Variants in ZNF83 observed in about 807,000 individuals in gnomAD.
ZNF83 encodes the protein zinc finger protein 83, also known as zinc finger protein 816B.
For missense variants in ZNF83, 552 were observed against 629.9 expected (o/e 0.88, Z 1.32); for synonymous variants, 209 against 213.0 (o/e 0.98, Z 0.17).
intron 3 of ZNF83, chr19:52,653,102 G>A (rs2061464200): frequency 1.4e-6 from 2 of 1,469,528 alleles, no homozygotes; most frequent in South Asian, 1.1e-5. Flanking sequence ...TGAATTAGAA[G>A]GGATGAATTT....
Position 52,653,091 on chromosome 19 carries a change from A to T in ZNF83, c.-74+2470T>A, listed in dbSNP as rs908472807. 9.2e-5 allele frequency: 136 copies of T among 1,480,444 alleles called. 1 individual carries two copies. The highest frequency in any genetic ancestry group is 3.9e-4 in the African/African-American group (28 of 71,940). 91.7% of individuals were successfully genotyped at this position (1,480,444 alleles called of 1,614,324 possible). On this transcript the variant is annotated intron_variant, in intron 3 of 5. Transcript: ENST00000594682. ...GTTTCTCTCCAGTATGAATTGCCTT[A>T]TGAATTAGAAGGGATGAATTTCGAG...
chr19:52,625,036 T>G (rs1028278538), intron 2 of ZNF83, among the ~76,000 whole-genome samples: 1 of 151,240 alleles, frequency 6.6e-6, no homozygotes, highest in Non-Finnish European at 1.5e-5. Context: ...ATTCACTCCA[T>G]TTCCCCCTCC....
chr19:52,676,257 G>A (rs2061802762), intron 1 of ZNF83, among the ~76,000 whole-genome samples: 1 of 152,218 alleles, frequency 6.6e-6, no homozygotes, highest in Non-Finnish European at 1.5e-5. Context: ...TGCCGGGATT[G>A]CAGACGGAGT....
intron 2 of ZNF83, among the ~76,000 whole-genome samples, chr19:52,633,834 C>T (rs2061054548): frequency 6.6e-6 from 1 of 152,072 alleles, no homozygotes; most frequent in Non-Finnish European, 1.5e-5. Context: ...CACTTGAACC[C>T]AAAAGGTGGA....
At chr19:52,686,597 G>A (rs1323507954) in intron 1 of ZNF83, among the ~76,000 whole-genome samples, 1 of 151,614 alleles carries the variant, frequency 6.6e-6, no homozygotes, top group Non-Finnish European at 1.5e-5. Context: ...TTTCTGAGAT[G>A]GAGACTCGCT....
chr19:52,685,479 C>T (rs2061999107), intron 1 of ZNF83, among the ~76,000 whole-genome samples: 1 of 151,986 alleles, frequency 6.6e-6, no homozygotes, highest in South Asian at 2.1e-4. Flanking sequence ...TTTAATTCTT[C>T]CTTAAAAAAA....
rs144370045 is a variant in ZNF83, at chr19:52,682,340, G to T, written c.-283+8103C>A. On this transcript the variant is annotated intron_variant, in intron 1 of 5. Transcript: ENST00000594682. Reference sequence around the variant, plus strand: ...ATCAAGGCTATAGTGAGCTATGATTGCACCACTGCACTTCACCCTGGACAG... The same window carrying T: ...ATCAAGGCTATAGTGAGCTATGATTTCACCACTGCACTTCACCCTGGACAG... Among the ~76,000 whole-genome samples, 1,227 of 152,190 alleles carry T rather than the reference G, an allele frequency of 8.1e-3. 12 individuals are homozygous for T. The highest frequency in any genetic ancestry group is 0.012 in the Non-Finnish European group (842 of 68,020).
At chr19:52,615,275 C>T (rs748364418) in intron 2 of ZNF83, among the ~76,000 whole-genome samples, 54 of 152,236 alleles carry the variant, frequency 3.5e-4, no homozygotes, top group Non-Finnish European at 5.9e-4. Context: ...TTTGCACTGA[C>T]CAAAAGATCC....
chr19:52,654,896 A>C (rs1321372257), intron 3 of ZNF83: 1 of 153,028 alleles, frequency 6.5e-6, no homozygotes, highest in Non-Finnish European at 1.5e-5. Context: ...AAAAACCAGA[A>C]CAAAAGGCCA....
At chr19:52,620,039 G>A (rs2060476665) in intron 2 of ZNF83, among the ~76,000 whole-genome samples, 1 of 152,022 alleles carries the variant, frequency 6.6e-6, no homozygotes, top group South Asian at 2.1e-4. Context: ...ACAAAGCGAG[G>A]CCCCATCTCA....
At chr19:52,678,133 GCTAA>G (rs2061848379) in intron 1 of ZNF83, among the ~76,000 whole-genome samples, 1 of 151,952 alleles carries the variant, frequency 6.6e-6, no homozygotes, top group African/African-American at 2.4e-5. Context: ...ACAATAATGC[GCTAA>G]CTAAAATGGT....
intron 2 of ZNF83, among the ~76,000 whole-genome samples, chr19:52,625,067 T>A (rs144830411): frequency 0.014 from 2,123 of 151,720 alleles, 29 homozygotes; most frequent in South Asian, 0.018. Context: ...CTCATCCTGA[T>A]CACATTTGGT....
At chr19:52,686,641 T>C (rs1230599417) in intron 1 of ZNF83, among the ~76,000 whole-genome samples, 3 of 152,112 alleles carry the variant, frequency 2.0e-5, no homozygotes, top group Non-Finnish European at 2.9e-5. Flanking sequence ...CAACATGATT[T>C]CAGCTCACTG....
intron 3 of ZNF83, chr19:52,654,330 C>G: frequency 7.0e-7 from 1 of 1,419,840 alleles, no homozygotes; most frequent in South Asian, 1.2e-5. Context: ...TTTGCAATGT[C>G]CCTGTGTGGA....
chr19:52,657,519 C>A (rs1010965144), intron 2 of ZNF83, among the ~76,000 whole-genome samples: 1 of 151,258 alleles, frequency 6.6e-6, no homozygotes. Context: ...CAGAGTGAGA[C>A]TGTCTCAAAA....
chr19:52,680,778 A>C (rs1019262503), intron 1 of ZNF83, among the ~76,000 whole-genome samples: 2 of 145,888 alleles, frequency 1.4e-5, no homozygotes, highest in Non-Finnish European at 3.0e-5. Context: ...ACGCCCGGCT[A>C]ATTTTTTGTA....
At chr19:52,675,532 C>T (rs1174579938) in intron 1 of ZNF83, among the ~76,000 whole-genome samples, 3 of 152,012 alleles carry the variant, frequency 2.0e-5, no homozygotes, top group East Asian at 3.9e-4. Flanking sequence ...TAAGCGGCCT[C>T]CTATAATTTT....
At position 52,669,902 on chromosome 19, in the gene ZNF83, C is replaced by T. The variant is rs182567498; in HGVS notation, c.-282-9059G>A. The stretch of plus-strand genomic sequence containing the variant: ...TTCTTCTTATTTTGGAAAATCAAAC[C>T]GAATGACTAAGCCAAGACATGTTAA... On this transcript the variant is annotated intron_variant, in intron 1 of 5. Coordinates refer to the ZNF83 transcript ENST00000594682. 3.3e-5 allele frequency among the ~76,000 whole-genome samples: 5 copies of T among 152,184 alleles called. No homozygotes were observed. In the East Asian group the frequency reaches 7.7e-4, roughly 24 times the overall value.
intron 2 of ZNF83, among the ~76,000 whole-genome samples, chr19:52,623,278 G>A (rs970535861): frequency 1.3e-5 from 2 of 152,126 alleles, no homozygotes; most frequent in Non-Finnish European, 2.9e-5. Context: ...TGAGCTTTGG[G>A]TAACTCTTAC....
Sources: allele counts gnomAD v4.1 joint callset (sites outside exome capture counted in the v4.1 genomes callset), GRCh38; gene constraint gnomAD v4.1.1; transcripts MANE v1.5; gene names NCBI Gene and HGNC (gene_info 2026-07-23, HGNC 2026-07-21).